Variants in FOCAD observed in about 807,000 individuals in gnomAD.
The protein encoded by FOCAD is KIAA1797.
Under a neutral mutation model 225.6 loss-of-function variants are expected in FOCAD, and 198 were observed. The observed-to-expected ratio is 0.88, with a 90% CI of 0.78 to 0.99. The LOEUF (loss-of-function observed/expected upper bound fraction) is 0.99, where lower values mean the gene tolerates loss of function less well. FOCAD is among the 50% of genes least tolerant of loss of function. FOCAD has a pLI of 0.00. For missense variants in FOCAD, 2,713 were observed against 2,123.6 expected, an observed-to-expected ratio of 1.28 and a Z score of -5.46; for synonymous variants, 897 against 755.0, an observed-to-expected ratio of 1.19 and a Z score of -3.08.
intron 25 of FOCAD, 64 bp downstream of exon 25, chr9:20,923,832 C>T: frequency 8.0e-7 from 1 of 1,251,964 alleles, no homozygotes; most frequent in Non-Finnish European, 1.2e-6. Context: ...CTTTAGGTAG[C>T]CTGGCCCTGG....
intron 15 of FOCAD, among the ~76,000 whole-genome samples, chr9:20,859,266 C>T (rs184714042): frequency 4.7e-4 from 71 of 151,576 alleles, no homozygotes; most frequent in African/African-American, 1.6e-3. Context: ...CCTGTAATTC[C>T]AGCTACTTGG....
At chr9:20,852,988 A>G (rs1232344846) in intron 15 of FOCAD, among the ~76,000 whole-genome samples, 1 of 151,756 alleles carries the variant, frequency 6.6e-6, no homozygotes, top group Non-Finnish European at 1.5e-5. Context: ...AGGAGTGACC[A>G]TTAGAAAAAA....
At chr9:20,760,691 T>G (rs1829512067) in intron 6 of FOCAD, among the ~76,000 whole-genome samples, 1 of 152,214 alleles carries the variant, frequency 6.6e-6, no homozygotes, top group Non-Finnish European at 1.5e-5. Context: ...ACATAATACC[T>G]TACAGTTGCG....
chr9:20,687,604 A>G (rs1822744030), intron 1 of FOCAD, among the ~76,000 whole-genome samples: 1 of 152,246 alleles, frequency 6.6e-6, no homozygotes, highest in Non-Finnish European at 1.5e-5. Context: ...GTGGAGAAGA[A>G]TGGAGGAAAC....
At chr9:20,864,391 G>T (rs1829051428) in intron 16 of FOCAD, among the ~76,000 whole-genome samples, 1 of 152,012 alleles carries the variant, frequency 6.6e-6, no homozygotes, top group Non-Finnish European at 1.5e-5. Context: ...ACCACTTACA[G>T]TGTCCTTCAA....
At chr9:20,674,163 C>T (rs1226470052) in intron 2 of FOCAD, among the ~76,000 whole-genome samples, 1 of 152,078 alleles carries the variant, frequency 6.6e-6, no homozygotes, top group African/African-American at 2.4e-5. Context: ...TATCAACTTA[C>T]AATTAAATAT....
chr9:20,926,114 TGA>T, intron 25 of FOCAD, among the ~76,000 whole-genome samples, 185 bp from the exon 26 acceptor site: 3 of 151,226 alleles, frequency 2.0e-5, no homozygotes, highest in Non-Finnish European at 4.4e-5. Flanking sequence ...GGGGCACAGG[TGA>T]GGATGTATAT....
intron 7 of FOCAD, among the ~76,000 whole-genome samples, chr9:20,767,068 T>C (rs12345297): frequency 0.34 from 51,569 of 150,160 alleles, 9,244 homozygotes; most frequent in Non-Finnish European, 0.39. Context: ...AGTGAGAATA[T>C]GTGGTGTTTG....
intron 2 of FOCAD, among the ~76,000 whole-genome samples, chr9:20,671,255 A>G (rs1450923894): frequency 6.6e-6 from 1 of 151,970 alleles, no homozygotes; most frequent in East Asian, 1.9e-4. Flanking sequence ...TATATATTGA[A>G]CTCTCGGTGG....
At chr9:20,799,238 A>T (rs1306231315) in intron 11 of FOCAD, among the ~76,000 whole-genome samples, 2 of 152,106 alleles carry the variant, frequency 1.3e-5, no homozygotes, top group Non-Finnish European at 2.9e-5. Context: ...GTGTTCTTTT[A>T]CATTTGCTGA....
intron 11 of FOCAD, among the ~76,000 whole-genome samples, chr9:20,811,670 C>A (rs1331857935): frequency 1.3e-5 from 2 of 152,034 alleles, no homozygotes; most frequent in Admixed American, 6.6e-5. Context: ...CCTGCAAATT[C>A]CTTATAAGTG....
upstream of FOCAD, among the ~76,000 whole-genome samples, chr9:20,679,299 T>C (rs569925122): frequency 6.6e-6 from 1 of 152,178 alleles, no homozygotes; most frequent in African/African-American, 2.4e-5. Flanking sequence ...TAATTAAATC[T>C]AATAGATTGC....
chr9:20,677,203 C>T (rs887484158), intron 2 of FOCAD, among the ~76,000 whole-genome samples: 25 of 152,168 alleles, frequency 1.6e-4, no homozygotes, highest in Non-Finnish European at 3.4e-4. Flanking sequence ...TTACCTCACC[C>T]CATGTGATAA....
At chr9:20,809,032 G>C (rs957382544) in intron 11 of FOCAD, among the ~76,000 whole-genome samples, 3 of 152,050 alleles carry the variant, frequency 2.0e-5, no homozygotes, top group Admixed American at 6.6e-5. Flanking sequence ...AAAGCATTAC[G>C]TTGCACATGT....
chr9:20,876,127 G>C (rs866791720), intron 19 of FOCAD, among the ~76,000 whole-genome samples: 3 of 152,096 alleles, frequency 2.0e-5, no homozygotes, highest in Non-Finnish European at 4.4e-5. Flanking sequence ...AGAGAAAACT[G>C]AATGGCCAAG....
chr9:20,717,889 TTTAA>T, intron 3 of FOCAD, 21 bp downstream of exon 3: 3 of 1,586,192 alleles, frequency 1.9e-6, no homozygotes, highest in Non-Finnish European at 2.6e-6. Context: ...AACTTTATGC[TTTAA>T]TTCTCTTCAG....
At chr9:20,832,585 A>T (rs886647172) in intron 15 of FOCAD, among the ~76,000 whole-genome samples, 3 of 152,040 alleles carry the variant, frequency 2.0e-5, no homozygotes, top group African/African-American at 7.2e-5. Flanking sequence ...AAAATGTACA[A>T]TTGAGTTATT....
chr9:20,850,943 A>C (rs1827587136), intron 15 of FOCAD, among the ~76,000 whole-genome samples: 1 of 150,696 alleles, frequency 6.6e-6, no homozygotes. Flanking sequence ...CGAAGATAGA[A>C]AGTATGTTTT....
intron 5 of FOCAD, among the ~76,000 whole-genome samples, chr9:20,747,385 T>G (rs1828137002): frequency 6.6e-6 from 1 of 152,168 alleles, no homozygotes. Flanking sequence ...TTTCTAAAAT[T>G]AAAAATAGTA....
Sources: gnomAD v4.1 joint callset for allele counts (sites outside exome capture counted in the v4.1 genomes callset) on GRCh38, gnomAD v4.1.1 for gene constraint, MANE v1.5 for transcripts, NCBI Gene and HGNC (gene_info 2026-07-23, HGNC 2026-07-21) for gene names.